Variants in RARB observed in about 807,000 individuals in gnomAD.
RARB encodes the protein HBV-activated protein.
Under a neutral mutation model 51.9 loss-of-function variants are expected in RARB, and 17 were observed. That is an observed-to-expected ratio of 0.33 (90% CI 0.22 to 0.49). RARB has a LOEUF of 0.49. Ranked by LOEUF, RARB falls within the 20% of genes least tolerant of loss-of-function variation. The probability of loss-of-function intolerance (pLI) is 0.99; values close to 1 mark genes in which losing one functional copy is unlikely to be tolerated. For missense variants in RARB, 369 were observed against 550.8 expected (o/e 0.67, Z 3.30); for synonymous variants, 215 against 195.4 (o/e 1.10, Z -0.84).
At chr3:25,429,592 C>T (rs915931617) in intron 1 of RARB, among the ~76,000 whole-genome samples, 4 of 152,198 alleles carry the variant, frequency 2.6e-5, no homozygotes, top group Non-Finnish European at 1.5e-5. Flanking sequence ...TCCATTATTT[C>T]CATATCTTGC....
intron 2 of RARB, among the ~76,000 whole-genome samples, chr3:25,494,275 A>ACACACACACACACACG: frequency 9.8e-6 from 1 of 102,342 alleles, no homozygotes; most frequent in East Asian, 2.9e-4. Flanking sequence ...ACACACACAC[A>ACACACACACACACACG]CACATGCCAT....
chr3:24,832,250 G>A (rs151199979), intron 1 of RARB, among the ~76,000 whole-genome samples: 224 of 152,204 alleles, frequency 1.5e-3, no homozygotes, highest in African/African-American at 5.3e-3. Flanking sequence ...TTATTACCAG[G>A]CTCATAAAAT....
At chr3:25,461,818 C>A (rs983608373) in intron 2 of RARB, among the ~76,000 whole-genome samples, 2 of 152,188 alleles carry the variant, frequency 1.3e-5, no homozygotes, top group African/African-American at 2.4e-5. Context: ...TCACTTGAAA[C>A]TGGGAAGCAG....
intron 3 of RARB, among the ~76,000 whole-genome samples, chr3:25,070,885 G>C (rs536649377): frequency 6.6e-6 from 1 of 152,260 alleles, no homozygotes; most frequent in African/African-American, 2.4e-5. Flanking sequence ...CTATTGCCTT[G>C]TTGTTAAATT....
chr3:25,012,804 T>C (rs1378976300), intron 2 of RARB, among the ~76,000 whole-genome samples: 6 of 152,120 alleles, frequency 3.9e-5, no homozygotes, highest in African/African-American at 1.4e-4. Flanking sequence ...TGATTATTGT[T>C]TGGCTTTATT....
intron 1 of RARB, among the ~76,000 whole-genome samples, chr3:25,447,431 G>A (rs971417576): frequency 6.6e-6 from 1 of 152,216 alleles, no homozygotes; most frequent in South Asian, 2.1e-4. Flanking sequence ...TGCGTGGGCA[G>A]GAGATAGTGT....
At chr3:25,202,473 G>A (rs1156700818) in intron 5 of RARB, among the ~76,000 whole-genome samples, 2 of 152,028 alleles carry the variant, frequency 1.3e-5, no homozygotes, top group Admixed American at 1.3e-4. Flanking sequence ...CTTGCCTTCT[G>A]CTAGCTTTTG....
At chr3:25,096,917 TG>T (rs1282081461) in intron 3 of RARB, among the ~76,000 whole-genome samples, 1 of 152,202 alleles carries the variant, frequency 6.6e-6, no homozygotes, top group Non-Finnish European at 1.5e-5. Context: ...TCCAGTTACC[TG>T]AAACCTCTCT....
intron 2 of RARB, among the ~76,000 whole-genome samples, chr3:25,029,998 A>G (rs1697834873): frequency 6.6e-6 from 1 of 152,198 alleles, no homozygotes; most frequent in African/African-American, 2.4e-5. Flanking sequence ...CACATCCTTC[A>G]GTTATAGTGC....
At chr3:25,574,040 G>A (rs1485293956) in intron 4 of RARB, among the ~76,000 whole-genome samples, 4 of 152,184 alleles carry the variant, frequency 2.6e-5, no homozygotes, top group Non-Finnish European at 1.5e-5. Flanking sequence ...CGCCATAAAA[G>A]GAGAGAGGGT....
At chr3:25,472,017 C>A (rs1348395654) in intron 2 of RARB, among the ~76,000 whole-genome samples, 1 of 152,158 alleles carries the variant, frequency 6.6e-6, no homozygotes, top group Non-Finnish European at 1.5e-5. Flanking sequence ...CACCCGCGTA[C>A]CTATGTAAAA....
chr3:24,891,706 C>G (rs529974924), intron 2 of RARB, among the ~76,000 whole-genome samples: 1 of 152,212 alleles, frequency 6.6e-6, no homozygotes, highest in Admixed American at 6.5e-5. Flanking sequence ...CATTAAAGAA[C>G]AAGACCAACT....
intron 5 of RARB, among the ~76,000 whole-genome samples, chr3:25,391,371 T>G (rs563117376): frequency 6.6e-6 from 1 of 152,330 alleles, no homozygotes; most frequent in East Asian, 1.9e-4. Context: ...TGCAAGTGGC[T>G]TTTTCATATA....
chr3:25,428,995 T>A, intron 1 of RARB, 107 bp downstream of exon 1: 1 of 1,306,090 alleles, frequency 7.7e-7, no homozygotes, highest in Non-Finnish European at 1.0e-6. Flanking sequence ...ACAAAGGATT[T>A]AATGATTTAA....
At position 25,448,165 on chromosome 3, in the gene RARB, C is replaced by T. The variant is rs189213474; in HGVS notation, c.158-13028C>T. On this transcript the variant is annotated intron_variant, in intron 1 of 7. Coordinates refer to ENST00000330688, the MANE Select transcript of RARB (RefSeq NM_000965.5). ...ATTTGAATCCAGGAAGGCCGACTCC[C>T]GAGTTCATACTTCCAACCATATGCC... Among the ~76,000 whole-genome samples, 454 of 152,034 alleles carry T rather than the reference C, an allele frequency of 3.0e-3. 4 individuals carry two copies. The highest frequency in any genetic ancestry group is 2.5e-3 in the Non-Finnish European group (167 of 68,008).
intron 5 of RARB, among the ~76,000 whole-genome samples, chr3:25,181,713 T>A (rs1331649701): frequency 6.6e-6 from 1 of 152,196 alleles, no homozygotes; most frequent in Non-Finnish European, 1.5e-5. Flanking sequence ...TGCAAAACAT[T>A]GTTGTATGCT....
intron 2 of RARB, among the ~76,000 whole-genome samples, chr3:24,897,524 A>G (rs905152433): frequency 6.6e-6 from 1 of 152,216 alleles, no homozygotes; most frequent in Admixed American, 6.5e-5. Context: ...CGATAACTGT[A>G]AACTATAAAA....
chr3:24,918,844 C>G (rs375341126), intron 2 of RARB, among the ~76,000 whole-genome samples: 2 of 152,086 alleles, frequency 1.3e-5, no homozygotes, highest in South Asian at 4.2e-4. Context: ...TGAGCCAGAT[C>G]ATGCCATTGC....
At chr3:25,353,672 A>T (rs1197573759) in intron 5 of RARB, among the ~76,000 whole-genome samples, 2 of 151,832 alleles carry the variant, frequency 1.3e-5, no homozygotes, top group Non-Finnish European at 2.9e-5. Context: ...GATAACTCTT[A>T]ACGTTGTAGG....
Sources: allele counts gnomAD v4.1 joint callset (sites outside exome capture counted in the v4.1 genomes callset), GRCh38; gene constraint gnomAD v4.1.1; transcripts MANE v1.5; gene names NCBI Gene and HGNC (gene_info 2026-07-23, HGNC 2026-07-21).